The following ABHD17C variants were observed in gnomAD, a reference collection of about 807,000 sequenced individuals.
The protein encoded by ABHD17C is alpha/beta hydrolase domain-containing protein 17C.
In ABHD17C, 11 loss-of-function variants were observed where a neutral mutation model predicts 27.9. The ratio of observed to expected loss-of-function variants is 0.39; its 90% CI spans 0.25 to 0.65. ABHD17C has a LOEUF of 0.65. Among genes scored for constraint, ABHD17C ranks in the 30% least tolerant of loss-of-function variants. The probability of loss-of-function intolerance (pLI) is 0.45; values close to 1 mark genes in which losing one functional copy is unlikely to be tolerated. For missense variants in ABHD17C, 280 were observed against 470.2 expected (o/e 0.60, Z 3.74); for synonymous variants, 233 against 209.1 (o/e 1.11, Z -0.98).
chr15:80,715,080 C>G (rs1285377887), intron 1 of ABHD17C, among the ~76,000 whole-genome samples: 7 of 152,226 alleles, frequency 4.6e-5, no homozygotes, highest in Non-Finnish European at 5.9e-5. Flanking sequence ...CGCGCCCGGC[C>G]TACACAGTTT....
chr15:80,698,574 G>A (rs1167985890), intron 1 of ABHD17C, among the ~76,000 whole-genome samples: 1 of 152,150 alleles, frequency 6.6e-6, no homozygotes, highest in Admixed American at 6.5e-5. Flanking sequence ...GATTCTTCAG[G>A]AGGTGCATTT....
chr15:80,750,299 C>G lies in ABHD17C; in HGVS notation c.770+607C>G, dbSNP rs375567637. Among the ~76,000 whole-genome samples the G allele has an allele frequency of 3.7e-4, 57 of 152,266 alleles. 3 individuals are homozygous for G. The South Asian group carries it at 0.011, about 29-fold the overall frequency. On this transcript the variant is annotated intron_variant, in intron 2 of 2. Coordinates refer to ENST00000258884, the MANE Select transcript of ABHD17C (RefSeq NM_021214.2). ...AAATGAACAAACTCACCTGCCACCC[C>G]CTATTCTGCTCTACCACTTTGACCG...
intron 1 of ABHD17C, among the ~76,000 whole-genome samples, chr15:80,697,028 C>T (rs1894504675): frequency 6.6e-6 from 1 of 152,078 alleles, no homozygotes; most frequent in Non-Finnish European, 1.5e-5. Context: ...GCATTATTGT[C>T]GCCATGGACC....
intron 1 of ABHD17C, among the ~76,000 whole-genome samples, chr15:80,739,205 C>T (rs1053751456): frequency 5.3e-5 from 8 of 152,188 alleles, no homozygotes; most frequent in African/African-American, 1.7e-4. Context: ...CTTTGTTCTT[C>T]ACCTCATCCC....
chr15:80,730,831 A>G (rs1042472571), intron 1 of ABHD17C, among the ~76,000 whole-genome samples: 1 of 152,186 alleles, frequency 6.6e-6, no homozygotes, highest in Non-Finnish European at 1.5e-5. Flanking sequence ...GTAATTGTTT[A>G]TGGTGAAATG....
chr15:80,711,876 C>T (rs1351612055), intron 1 of ABHD17C, among the ~76,000 whole-genome samples: 2 of 152,206 alleles, frequency 1.3e-5, no homozygotes, highest in African/African-American at 4.8e-5. Flanking sequence ...GGACTTGTCC[C>T]TTCATTTGCA....
At chr15:80,711,191 G>A (rs894758291) in intron 1 of ABHD17C, among the ~76,000 whole-genome samples, 16 of 152,140 alleles carry the variant, frequency 1.1e-4, no homozygotes, top group Non-Finnish European at 1.8e-4. Context: ...ATCTGGCTCC[G>A]TAGCATCTTT....
At chr15:80,732,880 C>T (rs961874283) in intron 1 of ABHD17C, among the ~76,000 whole-genome samples, 1 of 152,308 alleles carries the variant, frequency 6.6e-6, no homozygotes, top group African/African-American at 2.4e-5. Context: ...TCACATGTGG[C>T]CTTGTGGTGT....
intron 1 of ABHD17C, among the ~76,000 whole-genome samples, chr15:80,725,887 G>A (rs1227424175): frequency 6.6e-6 from 1 of 152,082 alleles, no homozygotes; most frequent in Non-Finnish European, 1.5e-5. Context: ...CGGTTGGGGA[G>A]ACCCTAACCC....
At chr15:80,731,204 A>G (rs1028629189) in intron 1 of ABHD17C, among the ~76,000 whole-genome samples, 2 of 152,130 alleles carry the variant, frequency 1.3e-5, no homozygotes, top group African/African-American at 2.4e-5. Context: ...CTCTTTAACA[A>G]CTGCCCTTGA....
intron 1 of ABHD17C, among the ~76,000 whole-genome samples, chr15:80,716,694 T>A (rs984558362): frequency 2.0e-5 from 3 of 152,232 alleles, no homozygotes; most frequent in Non-Finnish European, 4.4e-5. Context: ...GGCGTCTTGT[T>A]CATATTTGAA....
intron 1 of ABHD17C, among the ~76,000 whole-genome samples, chr15:80,700,765 G>T (rs922596317): frequency 1.3e-5 from 2 of 152,072 alleles, no homozygotes; most frequent in African/African-American, 2.4e-5. Flanking sequence ...GCCAGGTGTG[G>T]TGGTGTGTGC....
intron 1 of ABHD17C, among the ~76,000 whole-genome samples, chr15:80,696,631 G>A (rs1236291489): frequency 1.3e-5 from 2 of 152,138 alleles, no homozygotes; most frequent in African/African-American, 4.8e-5. Context: ...CTGTGGGCCT[G>A]GCACCTTCCA....
chr15:80,743,120 A>G (rs1388772532), intron 1 of ABHD17C, among the ~76,000 whole-genome samples: 1 of 152,146 alleles, frequency 6.6e-6, no homozygotes, highest in Non-Finnish European at 1.5e-5. Context: ...TGGCATTGAG[A>G]GAATAAAGAT....
intron 1 of ABHD17C, among the ~76,000 whole-genome samples, chr15:80,703,931 A>G (rs938772019): frequency 2.6e-5 from 4 of 152,322 alleles, no homozygotes; most frequent in African/African-American, 9.6e-5. Context: ...TTAATTTACA[A>G]AGTAGGCACA....
intron 1 of ABHD17C, among the ~76,000 whole-genome samples, chr15:80,726,782 C>T (rs1018796750): frequency 1.3e-5 from 2 of 152,182 alleles, no homozygotes; most frequent in South Asian, 2.1e-4. Flanking sequence ...GCCTCAGCCT[C>T]CCAAAGTGCT....
rs67320992 is a variant in ABHD17C, at chr15:80,713,354, C to CTTTTTTTTTTTTTTTTTT, written c.590+17346_590+17363dup. ...GAAGGAAAGCCACTGAGGTCTTGTT[C>CTTTTTTTTTTTTTTTTTT]TTTTTTTTTTTTTTTTTTTTTTTTT... On this transcript the variant is annotated intron_variant, in intron 1 of 2. Transcript: ENST00000258884. 1.3e-3 allele frequency among the ~76,000 whole-genome samples: 55 copies of CTTTTTTTTTTTTTTTTTT among 43,848 alleles called. 9 individuals carry two copies. Among genetic ancestry groups the CTTTTTTTTTTTTTTTTTT allele is most frequent in the East Asian group, 4.3e-3 (4 of 926 alleles). The allele number at this position is 43,848 out of a possible 152,430, so 28.8% of individuals were successfully genotyped here.
intron 2 of ABHD17C, 43 bp downstream of exon 2, chr15:80,749,735 C>T (rs1330474542): frequency 6.4e-7 from 1 of 1,574,058 alleles, no homozygotes; most frequent in Non-Finnish European, 8.7e-7. Flanking sequence ...CAGCCAATGA[C>T]TGTGTTTATA....
chr15:80,738,730 T>C (rs1416711633), intron 1 of ABHD17C, among the ~76,000 whole-genome samples: 1 of 151,884 alleles, frequency 6.6e-6, no homozygotes, highest in Non-Finnish European at 1.5e-5. Context: ...AGTGTCAAGT[T>C]TGGGAGATGT....
Sources: allele counts gnomAD v4.1 joint callset (sites outside exome capture counted in the v4.1 genomes callset), GRCh38; gene constraint gnomAD v4.1.1; transcripts MANE v1.5; gene names NCBI Gene and HGNC (gene_info 2026-07-23, HGNC 2026-07-21).